STXBP5L: variants seen among roughly 807,000 people sequenced by gnomAD.
STXBP5L encodes syntaxin-binding protein 5-like.
STXBP5L carries 65 observed loss-of-function variants against 144.5 expected under a neutral mutation model. The observed-to-expected ratio is 0.45, with a 90% confidence interval of 0.37 to 0.55. STXBP5L has a LOEUF of 0.55. Ranked by LOEUF, STXBP5L falls within the 20% of genes least tolerant of loss-of-function variation. The pLI, the probability that STXBP5L is intolerant of heterozygous loss-of-function variation, is 0.00. For synonymous variants in STXBP5L, 505 were observed against 469.6 expected, an observed-to-expected ratio of 1.08 and a Z score of -0.97; for missense variants, 1,298 against 1,405.5, an observed-to-expected ratio of 0.92 and a Z score of 1.22.
chr3:121,340,712 ATAT>A (rs2044678223), intron 20 of STXBP5L, among the ~76,000 whole-genome samples: 1 of 152,074 alleles, frequency 6.6e-6, no homozygotes, highest in Non-Finnish European at 1.5e-5. Flanking sequence ...AAGGCACAGA[ATAT>A]TATAACACTG....
At chr3:120,917,125 A>C (rs1248020795) in intron 2 of STXBP5L, among the ~76,000 whole-genome samples, 4 of 152,206 alleles carry the variant, frequency 2.6e-5, no homozygotes, top group Non-Finnish European at 5.9e-5. Context: ...GAGAATAGTA[A>C]GAGAGAAACT....
chr3:121,147,592 G>A (rs991727739), intron 7 of STXBP5L, among the ~76,000 whole-genome samples: 1 of 152,086 alleles, frequency 6.6e-6, no homozygotes. Flanking sequence ...GAAAGTAGTA[G>A]AAAGATAACA....
At chr3:121,110,438 T>C (rs1201467972) in intron 5 of STXBP5L, among the ~76,000 whole-genome samples, 1 of 152,234 alleles carries the variant, frequency 6.6e-6, no homozygotes, top group East Asian at 1.9e-4. Flanking sequence ...ACAAATTCTC[T>C]CAGCATTTGC....
At chr3:121,099,566 G>C (rs1456506373) in intron 5 of STXBP5L, 3 of 153,134 alleles carry the variant, frequency 2.0e-5, no homozygotes, top group Non-Finnish European at 4.4e-5. Flanking sequence ...TGACACACAT[G>C]AGAGCTCAGA....
intron 5 of STXBP5L, among the ~76,000 whole-genome samples, chr3:121,103,825 TAAAG>T (rs1449960047): frequency 1.3e-5 from 2 of 152,140 alleles, no homozygotes; most frequent in Non-Finnish European, 2.9e-5. Flanking sequence ...TAAGAACAGA[TAAAG>T]AAAATTAAGT....
intron 19 of STXBP5L, among the ~76,000 whole-genome samples, chr3:121,288,111 T>C (rs1454616940): frequency 1.3e-5 from 2 of 152,180 alleles, no homozygotes; most frequent in African/African-American, 4.8e-5. Flanking sequence ...GTTCTTGCAT[T>C]AGTTAGCTTA....
Position 121,232,197 on chromosome 3 carries a change from A to G in STXBP5L, c.1112-1419A>G, listed in dbSNP as rs559192532. Among the ~76,000 whole-genome samples the G allele has an allele frequency of 1.8e-4, 27 of 152,270 alleles. No individual in the cohort carries two copies. In the East Asian group the frequency reaches 5.0e-3, roughly 28 times the overall value. ...TGACACATATACATATACACATCCA[A>G]GTTCCAAGTTCCCAGTCAAGTTCCT... On this transcript the variant is annotated intron_variant, in intron 11 of 26. Transcript: ENST00000471454.
chr3:121,110,475 T>A (rs2043929548), intron 5 of STXBP5L, among the ~76,000 whole-genome samples: 2 of 152,206 alleles, frequency 1.3e-5, no homozygotes, highest in Non-Finnish European at 2.9e-5. Flanking sequence ...TTATTTCTCC[T>A]TCACTTATGA....
intron 5 of STXBP5L, among the ~76,000 whole-genome samples, chr3:121,093,406 C>A (rs533452264): frequency 7.0e-4 from 107 of 152,188 alleles, no homozygotes; most frequent in African/African-American, 2.4e-3. Flanking sequence ...TGGTCCTGGA[C>A]TCTTTTTGGT....
chr3:120,954,458 A>G (rs1272230166), intron 2 of STXBP5L, among the ~76,000 whole-genome samples: 1 of 151,952 alleles, frequency 6.6e-6, no homozygotes, highest in African/African-American at 2.4e-5. Context: ...TTTGAGAATC[A>G]TTTGTGTTGT....
chr3:120,997,520 A>G (rs1373087497), intron 3 of STXBP5L, among the ~76,000 whole-genome samples: 3 of 152,096 alleles, frequency 2.0e-5, no homozygotes, highest in Non-Finnish European at 4.4e-5. Flanking sequence ...TTTAATGTGC[A>G]TTTCTCTAAT....
intron 3 of STXBP5L, among the ~76,000 whole-genome samples, chr3:121,014,709 A>T (rs1371232030): frequency 1.3e-5 from 2 of 152,014 alleles, no homozygotes; most frequent in African/African-American, 4.8e-5. Flanking sequence ...GCAATATGTC[A>T]CTGTTTCAGT....
intron 20 of STXBP5L, chr3:121,356,871 A>C (rs931360178): frequency 6.5e-6 from 1 of 152,824 alleles, no homozygotes; most frequent in African/African-American, 2.4e-5. Context: ...AACCTACTAT[A>C]AAAAGTGGTA....
chr3:120,912,386 C>T (rs1708887717), intron 2 of STXBP5L, among the ~76,000 whole-genome samples: 2 of 151,822 alleles, frequency 1.3e-5, no homozygotes, highest in African/African-American at 4.8e-5. Flanking sequence ...AAAAATGTGG[C>T]AACTCATGGG....
intron 6 of STXBP5L, among the ~76,000 whole-genome samples, chr3:121,119,740 C>T (rs1028326752): frequency 6.6e-6 from 1 of 151,148 alleles, no homozygotes. Context: ...GAAGAAATAC[C>T]CCAAAATGTT....
chr3:121,317,369 A>T (rs1285300711), intron 19 of STXBP5L, among the ~76,000 whole-genome samples: 1 of 152,162 alleles, frequency 6.6e-6, no homozygotes, highest in Non-Finnish European at 1.5e-5. Context: ...AAATAGCTTA[A>T]ACTCTTTGAA....
At chr3:121,207,132 G>A (rs1275397043) in intron 10 of STXBP5L, among the ~76,000 whole-genome samples, 1 of 151,920 alleles carries the variant, frequency 6.6e-6, no homozygotes, top group Non-Finnish European at 1.5e-5. Context: ...TGCATTCACT[G>A]ATAAAAATGA....
At chr3:121,134,576 C>A (rs111900913) in intron 7 of STXBP5L, among the ~76,000 whole-genome samples, 2 of 151,902 alleles carry the variant, frequency 1.3e-5, no homozygotes, top group African/African-American at 4.8e-5. Context: ...CCATAACAGG[C>A]CCTGGTGTGT....
At chr3:121,054,384 A>C (rs1227764603) in intron 5 of STXBP5L, among the ~76,000 whole-genome samples, 1 of 152,152 alleles carries the variant, frequency 6.6e-6, no homozygotes, top group East Asian at 1.9e-4. Context: ...AATGTGGCAC[A>C]TATACACCAT....
Sources: gnomAD v4.1 joint callset for allele counts (sites outside exome capture counted in the v4.1 genomes callset) on GRCh38, gnomAD v4.1.1 for gene constraint, MANE v1.5 for transcripts, NCBI Gene and HGNC (gene_info 2026-07-23, HGNC 2026-07-21) for gene names.